The following FXYD6 variants were observed in gnomAD, a reference collection of about 807,000 sequenced individuals.
The protein encoded by FXYD6 is FXYD domain containing ion transport regulator 6.
Under a neutral mutation model 16.7 loss-of-function variants are expected in FXYD6, and 7 were observed. That is an observed-to-expected ratio of 0.42 (90% CI 0.24 to 0.79). FXYD6 has a LOEUF of 0.79. FXYD6 is among the 30% of genes least tolerant of loss of function. FXYD6 has a pLI of 0.28. For missense variants in FXYD6, 111 were observed against 116.2 expected (o/e 0.95, Z 0.21); for synonymous variants, 49 against 43.0 (o/e 1.14, Z -0.54).
At chr11:117,855,561 C>T (rs1273678218) in intron 1 of FXYD6, among the ~76,000 whole-genome samples, 1 of 152,166 alleles carries the variant, frequency 6.6e-6, no homozygotes, top group African/African-American at 2.4e-5. Context: ...CTTTCTCCCT[C>T]CTTCCAGAGA....
upstream of FXYD6, chr11:117,876,755 C>A (rs922683697): frequency 5.9e-5 from 4 of 67,940 alleles, no homozygotes; most frequent in Admixed American, 1.2e-4. Flanking sequence ...CCTGCGGGGG[C>A]GGGGGGGGGG....
chr11:117,840,847 C>T (rs519991), intron 5 of FXYD6, among the ~76,000 whole-genome samples: 66,247 of 151,688 alleles, frequency 0.44, 15,509 homozygotes, highest in Non-Finnish European at 0.53. Flanking sequence ...CTCTGCTTCC[C>T]TTCTCCCAAG....
rs1350340193 is a variant in FXYD6 at position 117,840,335 on chromosome 11, G to T, written c.243C>A (p.Asn81Lys). The T allele has an allele frequency of 1.2e-6, 2 of 1,614,026 alleles. No individual in the cohort carries two copies. Among genetic ancestry groups the T allele is most frequent in the Non-Finnish European group, 8.5e-7 (1 of 1,180,012 alleles). Reference protein sequence around the residue: ...APGDEEAQVENLITANATEPQ... With the variant: ...APGDEEAQVEKLITANATEPQ... ...GACAGTTACCATTGGCGGTGATGAG[G>T]TTCTCCACCTGGGCTTCCTCATCTC... The change falls in exon 6 of 8, where the codon AAC (asparagine) becomes AAA (lysine). Residue 81 changes from asparagine (N) to lysine (K), a missense_variant. By Grantham distance (94) the Asn-to-Lys change is moderately conservative. Transcript: ENST00000526014.
At chr11:117,874,004 AG>A (rs747176227) in intron 1 of FXYD6, among the ~76,000 whole-genome samples, 9 of 152,154 alleles carry the variant, frequency 5.9e-5, no homozygotes, top group Admixed American at 1.3e-4. Context: ...AAAGAAAGCA[AG>A]GGTTGCAGGA....
chr11:117,864,552 C>A (rs1193717728), intron 1 of FXYD6, among the ~76,000 whole-genome samples: 2 of 151,656 alleles, frequency 1.3e-5, no homozygotes, highest in Non-Finnish European at 2.9e-5. Context: ...AATAGGACAA[C>A]AAAGGCACAG....
At chr11:117,853,831 T>C (rs895790473) in intron 1 of FXYD6, among the ~76,000 whole-genome samples, 1 of 152,168 alleles carries the variant, frequency 6.6e-6, no homozygotes, top group African/African-American at 2.4e-5. Flanking sequence ...TTTGTCTTTT[T>C]GGTAGTGTTT....
At chr11:117,859,205 C>T (rs145435598) in intron 1 of FXYD6, among the ~76,000 whole-genome samples, 14 of 152,338 alleles carry the variant, frequency 9.2e-5, no homozygotes, top group South Asian at 6.2e-4. Flanking sequence ...GTGTCCCGAC[C>T]GCAGGTCCAG....
intron 1 of FXYD6, among the ~76,000 whole-genome samples, chr11:117,863,031 A>C (rs1441784777): frequency 6.6e-6 from 1 of 152,234 alleles, no homozygotes; most frequent in Non-Finnish European, 1.5e-5. Flanking sequence ...TAACATTACA[A>C]GCATTAGCTC....
Position 117,848,609 on chromosome 11 carries a change from C to T in FXYD6, c.-5-5828G>A, listed in dbSNP as rs903863416. On this transcript the variant is annotated intron_variant, in intron 1 of 7. Coordinates refer to ENST00000526014, the MANE Select transcript of FXYD6 (RefSeq NM_022003.4). ...AGAGTTTGCAGAAGATTCGAATTAT[C>T]TGTTCTTTGAGTGTTTGGTGGAACT... Among the ~76,000 whole-genome samples the T allele has an allele frequency of 1.3e-5, 2 of 152,148 alleles. 1 individual carries two copies.
At chr11:117,858,675 CTTTCTT>C (rs1328216341) in intron 1 of FXYD6, among the ~76,000 whole-genome samples, 9 of 86,218 alleles carry the variant, frequency 1.0e-4, no homozygotes, top group African/African-American at 4.6e-4. Flanking sequence ...TTCTTTCTTT[CTTTCTT>C]TCTTTCTTTC....
intron 1 of FXYD6, among the ~76,000 whole-genome samples, chr11:117,862,528 C>T (rs2056929835): frequency 6.6e-6 from 1 of 152,214 alleles, no homozygotes; most frequent in South Asian, 2.1e-4. Context: ...GACACAGTGT[C>T]TCTGCTGGAA....
chr11:117,864,286 T>G (rs2056968189), intron 1 of FXYD6, among the ~76,000 whole-genome samples: 2 of 152,126 alleles, frequency 1.3e-5, no homozygotes, highest in African/African-American at 4.8e-5. Flanking sequence ...GAAATAACCC[T>G]CACATATGTG....
intron 1 of FXYD6, among the ~76,000 whole-genome samples, chr11:117,845,508 T>C (rs2056448932): frequency 6.6e-6 from 1 of 152,236 alleles, no homozygotes; most frequent in African/African-American, 2.4e-5. Context: ...TGTCCGACAT[T>C]ATGCTTCTGT....
At chr11:117,855,526 C>T (rs929957480) in intron 1 of FXYD6, among the ~76,000 whole-genome samples, 2 of 152,180 alleles carry the variant, frequency 1.3e-5, no homozygotes, top group African/African-American at 4.8e-5. Flanking sequence ...TCTGCACCTC[C>T]CACCCTCCCA....
intron 2 of FXYD6, among the ~76,000 whole-genome samples, 154 bp downstream of exon 2, chr11:117,842,565 T>C (rs1234260997): frequency 6.6e-6 from 1 of 152,174 alleles, no homozygotes; most frequent in Non-Finnish European, 1.5e-5. Context: ...CCTCCACGAC[T>C]TTCTCTGCTG....
intron 6 of FXYD6, 27 bp downstream of exon 6, chr11:117,840,291 AC>A: frequency 1.2e-6 from 2 of 1,613,900 alleles, no homozygotes; most frequent in Admixed American, 3.3e-5. Flanking sequence ...CCTCTTTTCC[AC>A]CTGGGCAGGT....
chr11:117,864,167 G>A (rs967997613), intron 1 of FXYD6, among the ~76,000 whole-genome samples: 8 of 152,210 alleles, frequency 5.3e-5, no homozygotes, highest in Admixed American at 1.3e-4. Context: ...GAACAAAGCT[G>A]AAGGACTCAA....
intron 1 of FXYD6, among the ~76,000 whole-genome samples, chr11:117,859,116 AAAGT>A (rs55929715): frequency 0.21 from 31,934 of 151,882 alleles, 4,160 homozygotes; most frequent in Admixed American, 0.33. Flanking sequence ...AGGCTGCTCG[AAAGT>A]CCATTTGCTT....
At chr11:117,859,943 G>C (rs1342757963) in intron 1 of FXYD6, among the ~76,000 whole-genome samples, 2 of 152,152 alleles carry the variant, frequency 1.3e-5, no homozygotes, top group Admixed American at 6.5e-5. Context: ...CTGGGGTCAT[G>C]GGAGAGGCCT....
Sources: allele counts gnomAD v4.1 joint callset (sites outside exome capture counted in the v4.1 genomes callset), GRCh38; gene constraint gnomAD v4.1.1; transcripts MANE v1.5; gene names NCBI Gene and HGNC (gene_info 2026-07-23, HGNC 2026-07-21).